Variants in TET2 observed in about 807,000 individuals in gnomAD.
The protein encoded by TET2 is tet methylcytosine dioxygenase 2, also known as methylcytosine dioxygenase TET2.
In TET2, 299 loss-of-function variants were observed where a neutral mutation model predicts 142.9. The observed-to-expected ratio is 2.09, with a 90% CI of 1.90 to 2.30. The LOEUF is 2.30. Among genes scored for constraint, TET2 ranks in the 30% most tolerant of loss-of-function variants. TET2 has a pLI of 0.00. For synonymous variants in TET2, 819 were observed against 849.0 expected, an observed-to-expected ratio of 0.96 and a Z score of 0.61; for missense variants, 2,418 against 2,378.0, an observed-to-expected ratio of 1.02 and a Z score of -0.35.
chr4:105,228,203 C>T (rs564242018), intron 2 of TET2, among the ~76,000 whole-genome samples: 272 of 152,076 alleles, frequency 1.8e-3, no homozygotes, highest in Non-Finnish European at 2.8e-3. Context: ...TTGCATTTTT[C>T]TCCTTCTAAA....
At chr4:105,265,864 C>G (rs1730658077) in intron 8 of TET2, among the ~76,000 whole-genome samples, 1 of 152,110 alleles carries the variant, frequency 6.6e-6, no homozygotes, top group Non-Finnish European at 1.5e-5. Flanking sequence ...CAGTTTACTT[C>G]CTGAAGAGAG....
At chr4:105,163,241 T>A (rs1223687653) in intron 1 of TET2, among the ~76,000 whole-genome samples, 1 of 152,240 alleles carries the variant, frequency 6.6e-6, no homozygotes, top group Non-Finnish European at 1.5e-5. Context: ...ATTTTTATAT[T>A]TTAGATCTAG....
chr4:105,150,117 T>A (rs1468258774), intron 1 of TET2, among the ~76,000 whole-genome samples: 1 of 152,212 alleles, frequency 6.6e-6, no homozygotes, highest in African/African-American at 2.4e-5. Flanking sequence ...TTATGATTCA[T>A]AGGCACACCT....
intron 1 of TET2, among the ~76,000 whole-genome samples, chr4:105,167,293 GCAAA>G (rs899327394): frequency 4.0e-5 from 6 of 151,730 alleles, no homozygotes; most frequent in East Asian, 1.9e-4. Flanking sequence ...GGAAAATTAG[GCAAA>G]CAAAGAAAAT....
At chr4:105,181,369 A>G (rs1725112184) in intron 1 of TET2, among the ~76,000 whole-genome samples, 1 of 152,318 alleles carries the variant, frequency 6.6e-6, no homozygotes, top group Admixed American at 6.5e-5. Context: ...ACCACTGCAG[A>G]AATAGTGCTT....
chr4:105,234,522 G>C lies in TET2; in HGVS notation c.580G>C (p.Asp194His). The change falls in exon 3 of 11, where the codon GAC becomes CAC. Residue 194 changes from aspartate to histidine, a missense_variant. Transcript: ENST00000380013. ...EQEGKSANYH[D>H]KNIVLLKNKA... ...GGAGGGGAAAAGTGCTAATTACCATGACAAGAACATTGTATTACTTAAAAA... is the reference window on the plus strand; with the variant it reads ...GGAGGGGAAAAGTGCTAATTACCATCACAAGAACATTGTATTACTTAAAAA... 4 of 1,614,124 alleles carry C rather than the reference G, an allele frequency of 2.5e-6. No individual in the cohort carries two copies. Among genetic ancestry groups the C allele is most frequent in the Non-Finnish European group, 3.4e-6 (4 of 1,180,010 alleles).
intron 2 of TET2, among the ~76,000 whole-genome samples, chr4:105,229,654 A>T (rs1402693130): frequency 7.4e-6 from 1 of 134,952 alleles, no homozygotes; most frequent in Non-Finnish European, 1.6e-5. Flanking sequence ...AAGTTATTTA[A>T]AAAAAAAAAA....
At chr4:105,189,081 T>C (rs2110477036) in intron 1 of TET2, among the ~76,000 whole-genome samples, 1 of 152,280 alleles carries the variant, frequency 6.6e-6, no homozygotes, top group African/African-American at 2.4e-5. Context: ...TATGATGCCA[T>C]GTTTCTAAAG....
chr4:105,235,091 A>C lies in TET2; in HGVS notation c.1149A>C (p.Gln383His). 4 of 1,614,136 alleles carry C rather than the reference A, an allele frequency of 2.5e-6. No homozygotes were observed. The highest frequency in any genetic ancestry group is 3.4e-6 in the Non-Finnish European group (4 of 1,180,004). ...QNEMNGAYFK[Q>H]SSVFTKDSFS... ...AAATGAATGGTGCTTACTTCAAGCA[A>C]AGCTCAGTGTTCACTAAGGATTCCT... The change falls in exon 3 of 11, where the codon CAA becomes CAC. Residue 383 changes from glutamine (Q) to histidine (H), a missense_variant. Gln to His is a conservative substitution (Grantham distance 24, BLOSUM62 0). Coordinates refer to ENST00000380013, the MANE Select transcript of TET2 (RefSeq NM_001127208.3).
chr4:105,195,378 T>G (rs1388140212), intron 2 of TET2, among the ~76,000 whole-genome samples: 2 of 152,186 alleles, frequency 1.3e-5, no homozygotes, highest in Non-Finnish European at 2.9e-5. Flanking sequence ...ATGGATTTTC[T>G]TAGCTCATTT....
chr4:105,201,899 C>T (rs551305900), intron 2 of TET2, among the ~76,000 whole-genome samples: 36 of 151,650 alleles, frequency 2.4e-4, no homozygotes, highest in Middle Eastern at 3.4e-3. Flanking sequence ...ATGCCACCAC[C>T]CCTGGCTAAT....
intron 1 of TET2, among the ~76,000 whole-genome samples, chr4:105,149,710 G>C (rs966622964): frequency 1.3e-5 from 2 of 152,214 alleles, no homozygotes; most frequent in Non-Finnish European, 2.9e-5. Context: ...GTTGCAGTGA[G>C]AGAAATCCCT....
intron 3 of TET2, 33 bp downstream of exon 3, chr4:105,237,384 G>A (rs185009865): frequency 1.7e-5 from 27 of 1,614,032 alleles, no homozygotes; most frequent in Admixed American, 5.0e-5. Flanking sequence ...GACACATGGC[G>A]TTTATCCAGA....
chr4:105,149,325 C>T (rs894498623), intron 1 of TET2, among the ~76,000 whole-genome samples: 1 of 152,010 alleles, frequency 6.6e-6, no homozygotes. Flanking sequence ...TTGTTTTTTC[C>T]TGTCATCAAA....
intron 1 of TET2, among the ~76,000 whole-genome samples, chr4:105,159,431 T>G (rs985563424): frequency 1.3e-5 from 2 of 151,956 alleles, no homozygotes; most frequent in African/African-American, 4.8e-5. Context: ...AATTTTGTAT[T>G]TTTAGTACAG....
chr4:105,271,532 A>G (rs1004374187), intron 9 of TET2, among the ~76,000 whole-genome samples: 2 of 152,234 alleles, frequency 1.3e-5, no homozygotes, highest in East Asian at 3.8e-4. Flanking sequence ...TTAAATATGT[A>G]TGGGAAAAGT....
chr4:105,272,846 A>T lies in TET2; in HGVS notation c.4465A>T (p.Asn1489Tyr). 1 of 1,551,280 alleles carries T rather than the reference A, an allele frequency of 6.4e-7. No homozygotes were observed. The highest frequency in any genetic ancestry group is 8.7e-7 in the Non-Finnish European group (1 of 1,146,906). The change falls in exon 10 of 11, where the codon AAT becomes TAT. Residue 1489 changes from asparagine (N) to tyrosine (Y), a missense_variant. Coordinates refer to ENST00000380013, the MANE Select transcript of TET2 (RefSeq NM_001127208.3). ...CTCCCTGGAGAACAGCTCAAATAAA[A>T]ATGAAAAGGAAAAGTCAGCCCCATC... ...LSSLENSSNK[N>Y]EKEKSAPSRT... is the part of the protein sequence containing the mutation.
intron 2 of TET2, among the ~76,000 whole-genome samples, chr4:105,203,910 T>C (rs980134746): frequency 9.2e-5 from 14 of 152,146 alleles, no homozygotes; most frequent in African/African-American, 3.4e-4. Context: ...TATAATCTAT[T>C]AGAAAACTGG....
chr4:105,163,806 CGAGAGAGAGAGAGA>C (rs59658275), intron 1 of TET2, among the ~76,000 whole-genome samples: 2,208 of 79,752 alleles, frequency 0.028, 49 homozygotes, highest in African/African-American at 0.067. Flanking sequence ...TCGAAAGTTT[CGAGAGAGAGAGAGA>C]GAGAGAGAGA....
Sources: allele counts gnomAD v4.1 joint callset (sites outside exome capture counted in the v4.1 genomes callset), GRCh38; gene constraint gnomAD v4.1.1; transcripts MANE v1.5; gene names NCBI Gene and HGNC (gene_info 2026-07-23, HGNC 2026-07-21).